The following ZNF837 variants were observed in gnomAD, a reference collection of about 807,000 sequenced individuals.
The protein encoded by ZNF837 is zinc finger protein 837.
For synonymous variants in ZNF837, 475 were observed against 365.2 expected (o/e 1.30, Z -3.43); for missense variants, 955 against 801.7 (o/e 1.19, Z -2.31).
chr19:58,375,286 ATATATATATATATATATATATATAT>A (rs1568568341), intron 1 of ZNF837, among the ~76,000 whole-genome samples: 1 of 61,540 alleles, frequency 1.6e-5, no homozygotes, highest in East Asian at 9.8e-4. Flanking sequence ...ATATATATAT[ATATATATATATATATATATATATAT>A]AAAATTACAT....
chr19:58,379,038 T>C (rs1362004897), intron 1 of ZNF837, among the ~76,000 whole-genome samples: 6 of 152,166 alleles, frequency 3.9e-5, no homozygotes, highest in Admixed American at 3.9e-4. Flanking sequence ...CAGTTTGTGG[T>C]AGTGTGTTAT....
intron 1 of ZNF837, among the ~76,000 whole-genome samples, chr19:58,374,646 T>C (rs548741162): frequency 1.3e-5 from 2 of 152,168 alleles, no homozygotes; most frequent in South Asian, 4.1e-4. Flanking sequence ...CTAAAAAATA[T>C]ACTAAAACCT....
intron 1 of ZNF837, among the ~76,000 whole-genome samples, chr19:58,374,923 A>G (rs1057401445): frequency 6.9e-5 from 10 of 145,436 alleles, no homozygotes; most frequent in African/African-American, 2.6e-4. Context: ...ACTGAGCAAG[A>G]CTCCATCTCA....
chr19:58,380,299 C>T (rs1193726748), intron 1 of ZNF837, among the ~76,000 whole-genome samples: 1 of 152,256 alleles, frequency 6.6e-6, no homozygotes, highest in Admixed American at 6.5e-5. Context: ...TGCCTCCACC[C>T]TCAAGGATTA....
chr19:58,369,347 TTCTGGTTGTAGGA>T lies in ZNF837; in HGVS notation c.-28_-16del. 7.4e-7 allele frequency: 1 copy of T among 1,345,820 alleles called. No homozygotes were observed. 83.4% of individuals were successfully genotyped at this position (1,345,820 alleles called of 1,614,324 possible). On this transcript the variant is annotated splice_region_variant and 5_prime_UTR_variant, in exon 3 of 3. Coordinates refer to ENST00000597582, the MANE Select transcript of ZNF837 (RefSeq NM_138466.2). Reference sequence around the variant, plus strand: ...GGAGCCTCCATCCTGGGGCGCAGAGTTCTGGTTGTAGGATCTGGAAGAGCAGAGAAGAAATGGA... The same window carrying T: ...GGAGCCTCCATCCTGGGGCGCAGAGTTCTGGAAGAGCAGAGAAGAAATGGA...
In ZNF837 at chr19:58,368,406, C is replaced by T; in HGVS notation, c.927G>A (p.Val309=). The T allele has an allele frequency of 1.3e-6, 2 of 1,536,472 alleles. No homozygotes were observed. Among genetic ancestry groups the T allele is most frequent in the Non-Finnish European group, 1.7e-6 (2 of 1,144,506 alleles). ...GGTGGCGGTACAGGCCGGAGCAGCGCACGAAGGCCTTGCCGCACTCGGCGC... is the reference window on the plus strand; with the variant it reads ...GGTGGCGGTACAGGCCGGAGCAGCGTACGAAGGCCTTGCCGCACTCGGCGC... ...YECAECGKAF[V]RCSGLYRHQK... Residue 309 remains valine (V), a synonymous_variant, in exon 3 of 3, where the codon GTG becomes GTA. Transcript: ENST00000597582.
At position 58,372,563 on chromosome 19, in the gene ZNF837, G is replaced by A. The variant is rs575584152; in HGVS notation, c.-139-2635C>T. On this transcript the variant is annotated intron_variant, in intron 1 of 2. Transcript: ENST00000597582. ...ACAGGCAGTTGCCCTGGGCCACCTG[G>A]TGGCCTGAAATAACTTGACCGGGAA... Among the ~76,000 whole-genome samples, 15 of 152,264 alleles carry A rather than the reference G, an allele frequency of 9.9e-5. No individual in the cohort carries two copies. The South Asian group carries it at 2.7e-3, about 27-fold the overall frequency.
Position 58,367,799 on chromosome 19 carries a change from A to G in ZNF837, c.1534T>C (p.Phe512Leu). The G allele has an allele frequency of 6.5e-7, 1 of 1,536,342 alleles. No individual in the cohort carries two copies. Among genetic ancestry groups the G allele is most frequent in the Non-Finnish European group, 8.7e-7 (1 of 1,145,886 alleles). The change falls in exon 3 of 3, where the codon TTC (phenylalanine) becomes CTC (leucine). Residue 512 changes from phenylalanine (F) to leucine (L), a missense_variant. Physicochemically the swap from Phe to Leu is conservative, Grantham distance 22 (BLOSUM62 0). Transcript: ENST00000597582. ...TCGTTGAGGTTGGAGCGTTGGCTGA[A>G]GGCGCGGCCGCAATCTCCGCACGCG... ...PYACGDCGRA[F>L]SQRSNLNEHR...
intron 1 of ZNF837, among the ~76,000 whole-genome samples, chr19:58,376,569 A>G (rs1321303511): frequency 1.8e-5 from 2 of 112,008 alleles, no homozygotes; most frequent in African/African-American, 7.5e-5. Context: ...AAAAAAAAAA[A>G]AAAAAAAAAA....
chr19:58,370,072 T>G (rs557938087), intron 1 of ZNF837, 144 bp from the exon 2 acceptor site: 9 of 152,344 alleles, frequency 5.9e-5, no homozygotes, highest in Non-Finnish European at 1.0e-4. Flanking sequence ...GTATTAGTTA[T>G]CTATTGTTAA....
intron 1 of ZNF837, among the ~76,000 whole-genome samples, chr19:58,376,588 AAAAG>A (rs1568568886): frequency 2.5e-5 from 3 of 122,032 alleles, no homozygotes; most frequent in South Asian, 2.7e-4. Context: ...AAAAAAAAAA[AAAAG>A]AAAGAAAAGA....
intron 1 of ZNF837, among the ~76,000 whole-genome samples, chr19:58,373,875 A>C (rs961581050): frequency 6.6e-6 from 1 of 152,226 alleles, no homozygotes; most frequent in Non-Finnish European, 1.5e-5. Flanking sequence ...TGTGTGAATA[A>C]AGTAAATGAG....
Position 58,367,854 on chromosome 19 carries a change from G to A in ZNF837, c.1479C>T (p.His493=), listed in dbSNP as rs1412468103. 2.6e-6 allele frequency: 4 copies of A among 1,536,032 alleles called. No homozygotes were observed. Among genetic ancestry groups the A allele is most frequent in the Non-Finnish European group, 2.6e-6 (3 of 1,144,556 alleles). ...GCCGCTCGCCCGTGTGCGTGCGCAGGTGGCGCACCAGGCTGCAGTTGCGCA... is the reference window on the plus strand; with the variant it reads ...GCCGCTCGCCCGTGTGCGTGCGCAGATGGCGCACCAGGCTGCAGTTGCGCA... The part of the protein sequence containing the change: ...AFVRNCSLVR[H]LRTHTGERPY... The change falls in exon 3 of 3, where the codon CAC becomes CAT. Residue 493 remains histidine (H), a synonymous_variant. Transcript: ENST00000597582.
chr19:58,368,035 C>T lies in ZNF837; in HGVS notation c.1298G>A (p.Gly433Asp). ...GTGCGCGCGCTGGTGTTGCACCAGG[C>T]CCGAGCGGCCCTTGAAGGCCTTTTC... ...LCEKAFKGRS[G>D]LVQHQRAHTG... Residue 433 changes from glycine (G) to aspartate (D), a missense_variant, in exon 3 of 3, where the codon GGC becomes GAC. Coordinates refer to ENST00000597582, the MANE Select transcript of ZNF837 (RefSeq NM_138466.2). The T allele has an allele frequency of 1.3e-6, 2 of 1,534,476 alleles. No homozygotes were observed. The highest frequency in any genetic ancestry group is 2.5e-5 in the East Asian group (1 of 40,668).
intron 1 of ZNF837, among the ~76,000 whole-genome samples, chr19:58,378,449 G>A (rs758709862): frequency 1.3e-5 from 2 of 152,176 alleles, no homozygotes; most frequent in Admixed American, 1.3e-4. Flanking sequence ...CTGGTGGCAT[G>A]AGCAGGGCTA....
chr19:58,373,710 A>G (rs1406368288), intron 1 of ZNF837, among the ~76,000 whole-genome samples: 2 of 152,216 alleles, frequency 1.3e-5, no homozygotes, highest in Non-Finnish European at 2.9e-5. Context: ...TCACCTGCTC[A>G]TGGGCACTGA....
At chr19:58,380,401 CAAG>C (rs1379003330) in intron 1 of ZNF837, among the ~76,000 whole-genome samples, 3 of 152,122 alleles carry the variant, frequency 2.0e-5, no homozygotes, top group East Asian at 1.9e-4. Context: ...GGACCGCAGA[CAAG>C]AAGAAATGAA....
chr19:58,372,054 TTTA>T (rs1348407261), intron 1 of ZNF837, among the ~76,000 whole-genome samples: 1 of 150,942 alleles, frequency 6.6e-6, no homozygotes, highest in Non-Finnish European at 1.5e-5. Flanking sequence ...TGTTTGTTTG[TTTA>T]TTTTTATTTA....
intron 1 of ZNF837, among the ~76,000 whole-genome samples, chr19:58,380,585 G>A (rs2052281778): frequency 6.6e-6 from 1 of 152,252 alleles, no homozygotes; most frequent in Admixed American, 6.5e-5. Flanking sequence ...CGGGGGCAGA[G>A]ACGGTAGGGA....
Sources: allele counts gnomAD v4.1 joint callset (sites outside exome capture counted in the v4.1 genomes callset), GRCh38; gene constraint gnomAD v4.1.1; transcripts MANE v1.5; gene names NCBI Gene and HGNC (gene_info 2026-07-23, HGNC 2026-07-21).